The following SYTL5 variants were observed in gnomAD, a reference collection of about 807,000 sequenced individuals.
SYTL5 encodes synaptotagmin like 5.
In SYTL5, 34 loss-of-function variants were observed where a neutral mutation model predicts 55.9. That is an observed-to-expected ratio of 0.61 (90% CI 0.46 to 0.81). SYTL5 has a LOEUF of 0.81. SYTL5 is among the 30% of genes least tolerant of loss of function. The probability of loss-of-function intolerance (pLI) is 0.00; values close to 1 mark genes in which losing one functional copy is unlikely to be tolerated. For synonymous variants in SYTL5, 221 were observed against 188.7 expected (o/e 1.17, Z -1.40); for missense variants, 637 against 546.7 (o/e 1.17, Z -1.65).
chrX:38,108,655 A>C lies in SYTL5; in HGVS notation c.1390A>C (p.Lys464Gln). ...GTCCCGGAACAACAAGCGTAAGACC[A>C]AAATCAGAACAGGCACCAATCCAGA... ...DKSRNNKRKT[K>Q]IRTGTNPEFN... Residue 464 changes from lysine to glutamine, a missense_variant, in exon 12 of 17, where the codon AAA (lysine) becomes CAA (glutamine). Coordinates refer to ENST00000297875, the MANE Select transcript of SYTL5 (RefSeq NM_138780.3). The C allele has an allele frequency of 8.3e-7, 1 of 1,204,259 alleles. No individual in the cohort carries two copies. Among genetic ancestry groups the C allele is most frequent in the Admixed American group, 2.2e-5 (1 of 45,749 alleles).
the SYTL5 span, among the ~76,000 whole-genome samples, chrX:37,955,462 T>A: frequency 1.8e-5 from 2 of 112,161 alleles, no homozygotes; most frequent in Non-Finnish European, 3.8e-5. Flanking sequence ...GTTTGCAAAA[T>A]GAGTGAGGTA....
the SYTL5 span, among the ~76,000 whole-genome samples, chrX:37,943,624 T>C: frequency 9.0e-6 from 1 of 111,381 alleles, no homozygotes; most frequent in Non-Finnish European, 1.9e-5. Flanking sequence ...GGATTTTCAG[T>C]AAACTAACTT....
the SYTL5 span, among the ~76,000 whole-genome samples, chrX:37,935,087 C>T: frequency 3.6e-5 from 4 of 112,051 alleles, no homozygotes; most frequent in Non-Finnish European, 7.5e-5. Context: ...TGAAGAGAAA[C>T]CTTTGAAAGC....
At chrX:38,002,533 C>G, upstream of SYTL5, among the ~76,000 whole-genome samples, 1 of 111,885 alleles carries the variant, frequency 8.9e-6, no homozygotes, top group East Asian at 2.8e-4. Flanking sequence ...CCTGTTGTTT[C>G]CTGACTTTTG....
intron 15 of SYTL5, among the ~76,000 whole-genome samples, chrX:38,123,255 T>C (rs1186826321): frequency 8.9e-6 from 1 of 112,080 alleles, no homozygotes; most frequent in African/African-American, 3.2e-5. Flanking sequence ...TTCTCATATC[T>C]CAGTCTCCTG....
At chrX:38,033,450 A>T (rs1441314252) in intron 1 of SYTL5, 84 bp from the exon 2 acceptor site, 1 of 113,218 alleles carries the variant, frequency 8.8e-6, no homozygotes, top group Non-Finnish European at 1.9e-5. Context: ...ACAAAATTTC[A>T]AAAATTAGGC....
At chrX:38,043,456 T>A (rs1935344391) in intron 2 of SYTL5, among the ~76,000 whole-genome samples, 1 of 106,468 alleles carries the variant, frequency 9.4e-6, no homozygotes, top group Admixed American at 1.0e-4. Context: ...ACATACTGTA[T>A]AAAATATCAT....
chrX:37,974,045 G>T, the SYTL5 span, among the ~76,000 whole-genome samples: 1 of 111,588 alleles, frequency 9.0e-6, no homozygotes. Flanking sequence ...CCAGGGGTTG[G>T]TGGGTAGGAG....
At chrX:38,046,291 C>G (rs969116575) in intron 2 of SYTL5, among the ~76,000 whole-genome samples, 2 of 111,568 alleles carry the variant, frequency 1.8e-5, no homozygotes, top group African/African-American at 6.5e-5. Context: ...TAAAGACATA[C>G]CCAAGACTGG....
intron 2 of SYTL5, 95 bp from the exon 3 acceptor site, chrX:38,054,118 A>G: frequency 1.5e-6 from 1 of 677,711 alleles, no homozygotes. Context: ...ATTTGAGGCA[A>G]ATATTCTATC....
chrX:38,002,832 T>A (rs1250376233), upstream of SYTL5, among the ~76,000 whole-genome samples: 3 of 112,027 alleles, frequency 2.7e-5, no homozygotes, highest in East Asian at 8.3e-4. Context: ...TTCACTCTGA[T>A]GGTAGTTTTC....
At chrX:38,108,204 T>C (rs1360708114) in intron 11 of SYTL5, among the ~76,000 whole-genome samples, 2 of 112,167 alleles carry the variant, frequency 1.8e-5, no homozygotes, top group Non-Finnish European at 3.8e-5. Context: ...AGTAGTACAA[T>C]ATGGTAGCTC....
At chrX:38,095,354 T>C (rs371120899) in intron 8 of SYTL5, among the ~76,000 whole-genome samples, 1 of 112,162 alleles carries the variant, frequency 8.9e-6, no homozygotes, top group Non-Finnish European at 1.9e-5. Flanking sequence ...AGGCCTATGC[T>C]AAGTACTTCT....
At chrX:38,078,507 G>A (rs1238687998) in intron 6 of SYTL5, among the ~76,000 whole-genome samples, 1 of 110,254 alleles carries the variant, frequency 9.1e-6, no homozygotes, top group African/African-American at 3.3e-5. Flanking sequence ...TGATCCACCC[G>A]CCTCGGCCTC....
Position 38,083,773 on chromosome X carries a change from C to CGTGTGT in SYTL5, c.690-5673_690-5672insGTGTGT, listed in dbSNP as rs1569180907. Among the ~76,000 whole-genome samples the CGTGTGT allele has an allele frequency of 1.6e-3, 66 of 40,201 alleles. 1 individual carries two copies. Among genetic ancestry groups the CGTGTGT allele is most frequent in the Admixed American group, 0.012 (43 of 3,458 alleles). The allele number at this position is 40,201 out of a possible 115,157, so 34.9% of individuals were successfully genotyped here. ...AAAGAGTTTAGTTTTTAAATAGACT[C>CGTGTGT]ATGTGTGTGTGTGTGTGTGTGTGTG... On this transcript the variant is annotated intron_variant, in intron 6 of 16. Coordinates refer to ENST00000297875, the MANE Select transcript of SYTL5 (RefSeq NM_138780.3).
Position 38,024,249 on chromosome X carries a change from G to A in SYTL5, c.-356-9285G>A, listed in dbSNP as rs995726994. Among the ~76,000 whole-genome samples, 72 of 109,524 alleles carry A rather than the reference G, an allele frequency of 6.6e-4. 1 individual carries two copies. Among genetic ancestry groups the A allele is most frequent in the African/African-American group, 2.2e-3 (66 of 29,984 alleles). On this transcript the variant is annotated intron_variant, in intron 1 of 16. Coordinates refer to ENST00000297875, the MANE Select transcript of SYTL5 (RefSeq NM_138780.3). The stretch of plus-strand genomic sequence containing the variant: ...GGACGGGTTTTCCCATACTGTTCTG[G>A]TGATAGTGAATAAGTCTCACGAGAT...
intron 13 of SYTL5, among the ~76,000 whole-genome samples, chrX:38,113,911 C>T (rs1388972073): frequency 4.5e-5 from 5 of 111,195 alleles, no homozygotes; most frequent in African/African-American, 1.6e-4. Flanking sequence ...AATACTCCCA[C>T]GTTCTTGCCT....
At chrX:37,986,622 G>A in the SYTL5 span, among the ~76,000 whole-genome samples, 1 of 111,273 alleles carries the variant, frequency 9.0e-6, no homozygotes, top group African/African-American at 3.3e-5. Context: ...AATATGAGGG[G>A]TGGTCTCCTC....
chrX:38,051,572 A>AAGCCACTGCAGTG (rs1440569059), intron 2 of SYTL5, among the ~76,000 whole-genome samples: 3 of 111,567 alleles, frequency 2.7e-5, no homozygotes, highest in Non-Finnish European at 5.6e-5. Context: ...ACAGCACTTC[A>AAGCCACTGCAGTG]AGCCACTGCA....
Sources: allele counts gnomAD v4.1 joint callset (sites outside exome capture counted in the v4.1 genomes callset), GRCh38; gene constraint gnomAD v4.1.1; transcripts MANE v1.5; gene names NCBI Gene and HGNC (gene_info 2026-07-23, HGNC 2026-07-21).